The following ELMO1 variants were observed in gnomAD, a reference collection of about 807,000 sequenced individuals.
ELMO1 encodes the protein engulfment and cell motility protein 1.
ELMO1 carries 26 observed loss-of-function variants against 98.9 expected under a neutral mutation model. That is an observed-to-expected ratio of 0.26 (90% CI 0.19 to 0.36). The LOEUF (loss-of-function observed/expected upper bound fraction) is 0.36. ELMO1 is among the 10% of genes least tolerant of loss of function. ELMO1 has a pLI of 1.00. For missense variants in ELMO1, 627 were observed against 935.2 expected, an observed-to-expected ratio of 0.67 and a Z score of 4.30; for synonymous variants, 346 against 346.0, an observed-to-expected ratio of 1.00 and a Z score of 0.00.
chr7:36,906,205 G>A (rs1476588928), intron 16 of ELMO1, among the ~76,000 whole-genome samples: 1 of 152,222 alleles, frequency 6.6e-6, no homozygotes, highest in Non-Finnish European at 1.5e-5. Flanking sequence ...AACTGTTCAT[G>A]AACTTGCCTC....
intron 16 of ELMO1, among the ~76,000 whole-genome samples, chr7:36,982,823 A>G (rs1452454837): frequency 1.3e-5 from 2 of 152,236 alleles, no homozygotes; most frequent in East Asian, 3.8e-4. Context: ...TTTATAAAAC[A>G]GATAGAAGGG....
intron 4 of ELMO1, among the ~76,000 whole-genome samples, chr7:37,307,319 A>T (rs1798661446): frequency 6.6e-6 from 1 of 152,102 alleles, no homozygotes; most frequent in African/African-American, 2.4e-5. Context: ...TTCTGTTCTC[A>T]CAGACCTGAT....
At chr7:37,099,250 C>T (rs914534646) in intron 14 of ELMO1, among the ~76,000 whole-genome samples, 11 of 152,194 alleles carry the variant, frequency 7.2e-5, no homozygotes, top group African/African-American at 2.2e-4. Flanking sequence ...TTTAAAGCTA[C>T]TTGTGTAACT....
chr7:37,316,614 C>T (rs182602281), intron 2 of ELMO1, among the ~76,000 whole-genome samples: 2 of 152,234 alleles, frequency 1.3e-5, no homozygotes, highest in African/African-American at 4.8e-5. Flanking sequence ...CCGCCTGCCC[C>T]CAAGATAGAA....
At chr7:37,181,585 A>T (rs1790863485) in intron 13 of ELMO1, among the ~76,000 whole-genome samples, 1 of 152,234 alleles carries the variant, frequency 6.6e-6, no homozygotes. Context: ...CATTAAACAC[A>T]GGACATAATA....
At chr7:37,097,455 G>A (rs546124678) in intron 14 of ELMO1, among the ~76,000 whole-genome samples, 7 of 152,226 alleles carry the variant, frequency 4.6e-5, no homozygotes, top group African/African-American at 1.7e-4. Flanking sequence ...GCGGTGGCAG[G>A]TGCCTTTAAT....
intron 16 of ELMO1, among the ~76,000 whole-genome samples, chr7:36,991,835 G>T (rs757102383): frequency 6.6e-5 from 10 of 152,124 alleles, no homozygotes; most frequent in Non-Finnish European, 1.3e-4. Context: ...GCTATAAAAG[G>T]CCCCATTTCC....
intron 4 of ELMO1, among the ~76,000 whole-genome samples, chr7:37,311,371 C>T (rs1016976121): frequency 6.6e-6 from 1 of 151,346 alleles, no homozygotes; most frequent in Non-Finnish European, 1.5e-5. Context: ...TGATATTCAT[C>T]TTCAGCGAAA....
Position 37,438,296 on chromosome 7 carries a change from T to C in ELMO1, c.-74+10379A>G, listed in dbSNP as rs578123190. ...TTTAATAAAGAACCTGAATAGAAAC[T>C]ACTGAATCGGGCCGGGCGCGGTGGC... On this transcript the variant is annotated intron_variant, in intron 1 of 21. Coordinates refer to ENST00000310758, the MANE Select transcript of ELMO1 (RefSeq NM_014800.11). Among the ~76,000 whole-genome samples, 3 of 151,920 alleles carry C rather than the reference T, an allele frequency of 2.0e-5. No individual in the cohort carries two copies. In the East Asian group the frequency reaches 5.8e-4, roughly 30 times the overall value.
chr7:36,997,375 G>A (rs1792299017), intron 16 of ELMO1, among the ~76,000 whole-genome samples: 1 of 152,216 alleles, frequency 6.6e-6, no homozygotes, highest in South Asian at 2.1e-4. Context: ...GCTGGCATGT[G>A]TTCCTGCACA....
intron 20 of ELMO1, among the ~76,000 whole-genome samples, chr7:36,866,378 A>G (rs989854807): frequency 6.6e-6 from 1 of 152,186 alleles, no homozygotes; most frequent in Non-Finnish European, 1.5e-5. Flanking sequence ...GAACTCTGTT[A>G]AACATAACAG....
At chr7:37,426,142 CTTTTTTTT>C (rs36086006) in intron 1 of ELMO1, among the ~76,000 whole-genome samples, 20 of 84,594 alleles carry the variant, frequency 2.4e-4, no homozygotes, top group African/African-American at 8.8e-4. Flanking sequence ...TTTTTTCTTT[CTTTTTTTT>C]TTTTTTTTTT....
intron 1 of ELMO1, among the ~76,000 whole-genome samples, chr7:37,425,251 G>A (rs551742318): frequency 7.2e-5 from 11 of 152,268 alleles, no homozygotes; most frequent in South Asian, 4.1e-4. Context: ...ACAACTTCCC[G>A]TTATGTCTCA....
intron 16 of ELMO1, among the ~76,000 whole-genome samples, chr7:36,979,711 G>C (rs891931639): frequency 1.3e-5 from 2 of 152,182 alleles, no homozygotes; most frequent in African/African-American, 4.8e-5. Flanking sequence ...CTTTGTATAT[G>C]ACAAAGTTTC....
chr7:37,378,964 C>T (rs1212695402), intron 1 of ELMO1, among the ~76,000 whole-genome samples: 1 of 152,172 alleles, frequency 6.6e-6, no homozygotes, highest in East Asian at 1.9e-4. Context: ...TATCTTATTA[C>T]TTCCCTGCTC....
At chr7:36,994,294 T>G (rs914122624) in intron 16 of ELMO1, among the ~76,000 whole-genome samples, 1 of 152,248 alleles carries the variant, frequency 6.6e-6, no homozygotes, top group Non-Finnish European at 1.5e-5. Flanking sequence ...AAGTTCTTCC[T>G]CTATGTAATT....
intron 1 of ELMO1, among the ~76,000 whole-genome samples, chr7:37,428,610 A>C (rs1029292969): frequency 5.3e-5 from 8 of 152,264 alleles, no homozygotes; most frequent in Non-Finnish European, 8.8e-5. Context: ...AATGTGTATT[A>C]GAAAGACCCC....
chr7:37,198,092 C>T (rs1279084485), intron 13 of ELMO1, among the ~76,000 whole-genome samples: 2 of 152,188 alleles, frequency 1.3e-5, no homozygotes, highest in Non-Finnish European at 2.9e-5. Flanking sequence ...TGCCTACATG[C>T]TAATTCCTGA....
chr7:37,203,934 C>T (rs1039538031), intron 13 of ELMO1, among the ~76,000 whole-genome samples: 12 of 152,112 alleles, frequency 7.9e-5, no homozygotes, highest in Admixed American at 5.9e-4. Context: ...CTCCCAACTC[C>T]GAAGAGTCAG....
Sources: allele counts gnomAD v4.1 joint callset (sites outside exome capture counted in the v4.1 genomes callset), GRCh38; gene constraint gnomAD v4.1.1; transcripts MANE v1.5; gene names NCBI Gene and HGNC (gene_info 2026-07-23, HGNC 2026-07-21).